Variants in GPATCH2 observed in about 807,000 individuals in gnomAD.
GPATCH2 encodes G-patch domain containing 2, also known as G patch domain-containing protein 2.
GPATCH2 carries 51 observed loss-of-function variants against 58.0 expected under a neutral mutation model. That is an observed-to-expected ratio of 0.88 (90% CI 0.70 to 1.11). GPATCH2 has a LOEUF of 1.11. GPATCH2 is among the 50% of genes most tolerant of loss of function. The probability of loss-of-function intolerance (pLI) is 0.00; values close to 1 mark genes in which losing one functional copy is unlikely to be tolerated. For synonymous variants in GPATCH2, 222 were observed against 218.5 expected (o/e 1.02, Z -0.14); for missense variants, 625 against 652.2 (o/e 0.96, Z 0.45).
At chr1:217,616,698 C>T (rs190845417) in intron 2 of GPATCH2, among the ~76,000 whole-genome samples, 6 of 152,218 alleles carry the variant, frequency 3.9e-5, no homozygotes, top group Admixed American at 1.3e-4. Flanking sequence ...ACAGTCATTA[C>T]GGCTTATCTC....
chr1:217,490,178 T>C (rs909686565), intron 8 of GPATCH2, among the ~76,000 whole-genome samples: 1 of 152,216 alleles, frequency 6.6e-6, no homozygotes, highest in Non-Finnish European at 1.5e-5. Flanking sequence ...TTTATTTTCA[T>C]GCAGCGCAAT....
chr1:217,450,714 C>G (rs1218267365), intron 8 of GPATCH2, among the ~76,000 whole-genome samples: 5 of 152,046 alleles, frequency 3.3e-5, no homozygotes, highest in Admixed American at 6.5e-5. Context: ...ACTAACTTAG[C>G]TCTGCTTGGC....
Position 217,431,209 on chromosome 1 carries a change from A to G in GPATCH2, c.1523T>C (p.Leu508Pro). 6.2e-7 allele frequency: 1 copy of G among 1,611,456 alleles called. No individual in the cohort carries two copies. Among genetic ancestry groups the G allele is most frequent in the Non-Finnish European group, 8.5e-7 (1 of 1,177,574 alleles). ...AGTACTTTTTGGTAGAGGAAATCCA[A>G]GTCCTAATCCCTTTGGCCTCTGCAT... ...QAMQRPKGLG[L>P]GFPLPKSTSA... is the part of the protein sequence containing the mutation. Residue 508 changes from leucine (L) to proline (P), a missense_variant, in exon 10 of 10, where the codon CTT becomes CCT. Transcript: ENST00000366935.
At chr1:217,545,566 C>T (rs1664998684) in intron 5 of GPATCH2, among the ~76,000 whole-genome samples, 1 of 152,182 alleles carries the variant, frequency 6.6e-6, no homozygotes, top group African/African-American at 2.4e-5. Flanking sequence ...CATTGAATGT[C>T]TAAACACTTT....
intron 2 of GPATCH2, among the ~76,000 whole-genome samples, chr1:217,614,638 A>G (rs1025744433): frequency 6.6e-6 from 1 of 152,118 alleles, no homozygotes; most frequent in Non-Finnish European, 1.5e-5. Context: ...GGATGAGATT[A>G]CTTTTCATAA....
chr1:217,548,291 T>TA (rs1244168952), intron 5 of GPATCH2, among the ~76,000 whole-genome samples: 8 of 151,914 alleles, frequency 5.3e-5, no homozygotes, highest in African/African-American at 1.4e-4. Flanking sequence ...GAGATATCAG[T>TA]AAAAAAACCA....
intron 5 of GPATCH2, among the ~76,000 whole-genome samples, chr1:217,553,719 C>T (rs996566425): frequency 4.6e-5 from 7 of 152,112 alleles, no homozygotes; most frequent in African/African-American, 7.2e-5. Flanking sequence ...TTCAAGGTTT[C>T]GATTGTGAGT....
chr1:217,621,991 C>T (rs1669212455), intron 1 of GPATCH2, among the ~76,000 whole-genome samples: 1 of 152,198 alleles, frequency 6.6e-6, no homozygotes, highest in Non-Finnish European at 1.5e-5. Context: ...TGTGATGCGT[C>T]TAAGTAGTGG....
chr1:217,559,595 G>T (rs1302046107), intron 5 of GPATCH2, among the ~76,000 whole-genome samples: 2 of 152,080 alleles, frequency 1.3e-5, no homozygotes, highest in Non-Finnish European at 2.9e-5. Flanking sequence ...AAAAAGGAAG[G>T]GTAGAAACAC....
chr1:217,535,916 A>G (rs538429049), intron 5 of GPATCH2, among the ~76,000 whole-genome samples: 1 of 152,272 alleles, frequency 6.6e-6, no homozygotes, highest in African/African-American at 2.4e-5. Context: ...ATTTCTTTTA[A>G]CTTTGCCCAT....
intron 5 of GPATCH2, among the ~76,000 whole-genome samples, chr1:217,596,907 C>G (rs1306080551): frequency 6.6e-6 from 1 of 151,934 alleles, no homozygotes; most frequent in Non-Finnish European, 1.5e-5. Flanking sequence ...CTAGGACTTC[C>G]CAGGAAACAT....
chr1:217,494,525 A>C (rs1375668748), intron 7 of GPATCH2, among the ~76,000 whole-genome samples: 1 of 152,166 alleles, frequency 6.6e-6, no homozygotes, highest in Non-Finnish European at 1.5e-5. Flanking sequence ...GATCACCTGA[A>C]GTCGGGAGTT....
chr1:217,597,829 A>G (rs1192889010), intron 5 of GPATCH2, among the ~76,000 whole-genome samples: 1 of 152,190 alleles, frequency 6.6e-6, no homozygotes, highest in African/African-American at 2.4e-5. Flanking sequence ...TCTCTCTGCA[A>G]CTTGTCACAG....
At chr1:217,514,330 T>C (rs1364369151) in intron 6 of GPATCH2, among the ~76,000 whole-genome samples, 1 of 151,458 alleles carries the variant, frequency 6.6e-6, no homozygotes, top group Non-Finnish European at 1.5e-5. Flanking sequence ...TGGATACTTT[T>C]TGTATTTTTA....
intron 5 of GPATCH2, among the ~76,000 whole-genome samples, chr1:217,563,733 T>C (rs984566792): frequency 2.0e-5 from 3 of 152,032 alleles, no homozygotes; most frequent in Non-Finnish European, 4.4e-5. Flanking sequence ...GTCAGAAGAA[T>C]GAAGAGAAAG....
At chr1:217,614,061 C>G in intron 3 of GPATCH2, 80 bp downstream of exon 3, 5 of 820,710 alleles carry the variant, frequency 6.1e-6, no homozygotes. Context: ...CAGTCATCAA[C>G]TTATGAAATA....
chr1:217,589,061 G>A (rs994776420), intron 5 of GPATCH2, among the ~76,000 whole-genome samples: 1 of 152,172 alleles, frequency 6.6e-6, no homozygotes, highest in African/African-American at 2.4e-5. Context: ...GGTGAAAAGT[G>A]AGCCTTCCAG....
chr1:217,584,437 G>A (rs542760590), intron 5 of GPATCH2, among the ~76,000 whole-genome samples: 9 of 150,948 alleles, frequency 6.0e-5, no homozygotes, highest in African/African-American at 2.2e-4. Context: ...GCTGAGGCAG[G>A]AGAGTTGCTT....
At chr1:217,533,285 T>C (rs1664292449) in intron 5 of GPATCH2, among the ~76,000 whole-genome samples, 1 of 152,154 alleles carries the variant, frequency 6.6e-6, no homozygotes, top group South Asian at 2.1e-4. Context: ...AGCTTTTGTT[T>C]ATGCGGATTA....
Sources: gnomAD v4.1 joint callset for allele counts (sites outside exome capture counted in the v4.1 genomes callset) on GRCh38, gnomAD v4.1.1 for gene constraint, MANE v1.5 for transcripts, NCBI Gene and HGNC (gene_info 2026-07-23, HGNC 2026-07-21) for gene names.